The following CACNA1E variants were observed in gnomAD, a reference collection of about 807,000 sequenced individuals.
CACNA1E encodes voltage-dependent R-type calcium channel subunit alpha-1E.
In CACNA1E, 40 loss-of-function variants were observed where a neutral mutation model predicts 259.2. That is an observed-to-expected ratio of 0.15 (90% CI 0.12 to 0.20). The LOEUF (loss-of-function observed/expected upper bound fraction) is 0.20, where lower values mean the gene tolerates loss of function less well. CACNA1E is among the 10% of genes least tolerant of loss of function. The pLI is 1.00. For synonymous variants in CACNA1E, 1,104 were observed against 1,138.5 expected (o/e 0.97, Z 0.61); for missense variants, 1,874 against 3,040.1 (o/e 0.62, Z 9.02).
chr1:181,619,667 CA>C (rs1210163241), intron 6 of CACNA1E, among the ~76,000 whole-genome samples: 1 of 152,054 alleles, frequency 6.6e-6, no homozygotes, highest in Non-Finnish European at 1.5e-5. Context: ...TGGCTTAGCC[CA>C]GAGGGTAGCA....
rs1654300404 is a variant in CACNA1E at position 181,720,290 on chromosome 1, C to G, written c.1836C>G (p.Leu612=). The change falls in exon 14 of 48, where the codon CTC becomes CTG. Residue 612 remains leucine (L), a synonymous_variant. Coordinates refer to ENST00000367573, the MANE Select transcript of CACNA1E (RefSeq NM_001205293.3). ...SIISLLFLLF[L]FIVVFALLGM... Reference sequence around the variant, plus strand: ...TCAGTTTGCTTTTCCTCCTCTTCCTCTTCATCGTTGTCTTTGCTCTCCTAG... The same window carrying G: ...TCAGTTTGCTTTTCCTCCTCTTCCTGTTCATCGTTGTCTTTGCTCTCCTAG... 6.2e-7 allele frequency: 1 copy of G among 1,613,876 alleles called. No homozygotes were observed. Among genetic ancestry groups the G allele is most frequent in the Non-Finnish European group, 8.5e-7 (1 of 1,179,844 alleles).
At chr1:181,563,631 T>G (rs968712785) in intron 3 of CACNA1E, among the ~76,000 whole-genome samples, 4 of 152,184 alleles carry the variant, frequency 2.6e-5, no homozygotes, top group Non-Finnish European at 4.4e-5. Flanking sequence ...TTTTTCAGTC[T>G]TCCAGAAGGG....
intron 6 of CACNA1E, among the ~76,000 whole-genome samples, chr1:181,604,188 T>C (rs1654013103): frequency 6.6e-6 from 1 of 152,202 alleles, no homozygotes; most frequent in Non-Finnish European, 1.5e-5. Flanking sequence ...GGCCTGTGGC[T>C]CATGACTAAT....
intron 18 of CACNA1E, among the ~76,000 whole-genome samples, chr1:181,730,022 A>C (rs1446449905): frequency 6.6e-6 from 1 of 152,140 alleles, no homozygotes; most frequent in African/African-American, 2.4e-5. Context: ...GCTTCTCCAC[A>C]ATGATGTCTG....
At chr1:181,502,135 C>T (rs1201138044) in intron 1 of CACNA1E, among the ~76,000 whole-genome samples, 1 of 151,868 alleles carries the variant, frequency 6.6e-6, no homozygotes, top group Non-Finnish European at 1.5e-5. Context: ...AGGTTTGCAG[C>T]CAGAGTTGTA....
At chr1:181,420,198 A>G (rs917879406) in intron 2 of CACNA1E, among the ~76,000 whole-genome samples, 1 of 152,170 alleles carries the variant, frequency 6.6e-6, no homozygotes, top group Admixed American at 6.5e-5. Context: ...GAAACAGACT[A>G]GAAACCAACC....
At chr1:181,654,168 A>C (rs1658997591) in intron 7 of CACNA1E, among the ~76,000 whole-genome samples, 1 of 149,642 alleles carries the variant, frequency 6.7e-6, no homozygotes, top group African/African-American at 2.4e-5. Flanking sequence ...AAAAAAAAAC[A>C]TTTAGAGGTT....
rs539057880 is a variant in CACNA1E, at chr1:181,519,753, G to C, written c.512+8243G>C. 4.6e-5 allele frequency among the ~76,000 whole-genome samples: 7 copies of C among 152,204 alleles called. No homozygotes were observed. In the East Asian group the frequency reaches 1.4e-3, roughly 29 times the overall value. ...GGCGATGAGAATCTGCTGCTTCTTG[G>C]TTGTATTTAGGCCATGAAGCTGGAG... On this transcript the variant is annotated intron_variant, in intron 3 of 47. Transcript: ENST00000367573.
chr1:181,753,981 C>A (rs967898041), intron 27 of CACNA1E, among the ~76,000 whole-genome samples: 1 of 152,200 alleles, frequency 6.6e-6, no homozygotes, highest in Non-Finnish European at 1.5e-5. Flanking sequence ...CTGGCTACCC[C>A]GCCTTCCCCC....
At chr1:181,564,541 C>G (rs552336878) in intron 3 of CACNA1E, among the ~76,000 whole-genome samples, 1 of 152,302 alleles carries the variant, frequency 6.6e-6, no homozygotes, top group South Asian at 2.1e-4. Context: ...TCCTCAAAGT[C>G]ATACATAAGA....
chr1:181,334,483 A>G (rs1433346751), intron 1 of CACNA1E, among the ~76,000 whole-genome samples: 2 of 152,230 alleles, frequency 1.3e-5, no homozygotes, highest in Non-Finnish European at 2.9e-5. Context: ...CAAACTGTGC[A>G]TATTTAAATA....
At chr1:181,501,756 T>A (rs1453819226) in intron 1 of CACNA1E, among the ~76,000 whole-genome samples, 1 of 150,572 alleles carries the variant, frequency 6.6e-6, no homozygotes, top group East Asian at 2.0e-4. Flanking sequence ...AGGAGAGAGG[T>A]GTGTGTCTGT....
intron 1 of CACNA1E, among the ~76,000 whole-genome samples, chr1:181,368,629 G>C (rs1057006466): frequency 2.0e-5 from 3 of 152,138 alleles, no homozygotes; most frequent in Non-Finnish European, 4.4e-5. Context: ...ATGGGGTTGG[G>C]GGGCAGGACC....
intron 3 of CACNA1E, among the ~76,000 whole-genome samples, chr1:181,538,367 C>A (rs915149812): frequency 6.6e-6 from 1 of 152,162 alleles, no homozygotes; most frequent in Non-Finnish European, 1.5e-5. Context: ...CATTTTTATA[C>A]ATGCTGCATG....
chr1:181,402,796 A>C (rs1274729119), intron 1 of CACNA1E, among the ~76,000 whole-genome samples: 3 of 152,178 alleles, frequency 2.0e-5, no homozygotes, highest in African/African-American at 7.2e-5. Context: ...GGACTATTTG[A>C]GGGCCCATCT....
At chr1:181,711,950 G>A (rs1341130661) in intron 8 of CACNA1E, among the ~76,000 whole-genome samples, 3 of 152,176 alleles carry the variant, frequency 2.0e-5, no homozygotes, top group Admixed American at 2.0e-4. Context: ...TGGCCGCATT[G>A]AGAATAGACC....
chr1:181,488,275 T>C (rs1043616875), intron 1 of CACNA1E, among the ~76,000 whole-genome samples: 9 of 152,232 alleles, frequency 5.9e-5, no homozygotes, highest in African/African-American at 2.2e-4. Flanking sequence ...AGGTTTGATG[T>C]AACTAGTGAA....
intron 1 of CACNA1E, among the ~76,000 whole-genome samples, chr1:181,501,309 T>C (rs1285649882): frequency 6.6e-6 from 1 of 152,228 alleles, no homozygotes; most frequent in Non-Finnish European, 1.5e-5. Flanking sequence ...TCTTATTTTC[T>C]CAGAACCAGC....
chr1:181,537,426 T>A (rs1558100977), intron 3 of CACNA1E, among the ~76,000 whole-genome samples: 1 of 152,184 alleles, frequency 6.6e-6, no homozygotes, highest in Non-Finnish European at 1.5e-5. Context: ...AATCAGATTG[T>A]AGCTACTTTC....
Sources: allele counts gnomAD v4.1 joint callset (sites outside exome capture counted in the v4.1 genomes callset), GRCh38; gene constraint gnomAD v4.1.1; transcripts MANE v1.5; gene names NCBI Gene and HGNC (gene_info 2026-07-23, HGNC 2026-07-21).